Variants in TRDN observed in about 807,000 individuals in gnomAD.
TRDN encodes the protein triadin.
Under a neutral mutation model 149.7 loss-of-function variants are expected in TRDN, and 161 were observed. That is an observed-to-expected ratio of 1.08 (90% CI 0.95 to 1.23). TRDN has a LOEUF of 1.23. Ranked by LOEUF, TRDN falls within the 50% of genes most tolerant of loss-of-function variation. The probability of loss-of-function intolerance (pLI) is 0.00; values close to 1 mark genes in which losing one functional copy is unlikely to be tolerated. For missense variants in TRDN, 896 were observed against 823.5 expected (o/e 1.09, Z -1.08); for synonymous variants, 294 against 250.5 (o/e 1.17, Z -1.64).
chr6:123,264,278 A>G (rs960866996), intron 33 of TRDN, among the ~76,000 whole-genome samples: 1 of 152,112 alleles, frequency 6.6e-6, no homozygotes, highest in Non-Finnish European at 1.5e-5. Context: ...TCCAAATGTC[A>G]GTATCAACAG....
In TRDN at chr6:123,253,914, C is replaced by T. The variant is rs561759770; in HGVS notation, c.1951+1167G>A. 5.9e-5 allele frequency among the ~76,000 whole-genome samples: 9 copies of T among 152,096 alleles called. No homozygotes were observed. In the South Asian group the frequency reaches 1.7e-3, roughly 28 times the overall value. ...AAACTTTCTCTTGTATTTGCAGCAG[C>T]GTAATAGAATACTGAAGTACGAATA... On this transcript the variant is annotated intron_variant, in intron 37 of 40. Coordinates refer to ENST00000334268, the MANE Select transcript of TRDN (RefSeq NM_006073.4).
intron 32 of TRDN, 47 bp from the exon 33 acceptor site, chr6:123,265,385 A>G (rs1308457271): frequency 1.6e-6 from 2 of 1,264,174 alleles, no homozygotes; most frequent in Admixed American, 3.0e-5. Context: ...ATAATTTTCT[A>G]TCTATGGGTG....
intron 12 of TRDN, among the ~76,000 whole-genome samples, chr6:123,432,607 G>A (rs568473848): frequency 9.7e-4 from 147 of 151,968 alleles, no homozygotes; most frequent in Middle Eastern, 3.4e-3. Flanking sequence ...AAACACAAAA[G>A]ACTTTACTCC....
chr6:123,495,529 A>T (rs11755296), intron 9 of TRDN, among the ~76,000 whole-genome samples: 15 of 4,592 alleles, frequency 3.3e-3, no homozygotes, highest in East Asian at 0.25. Flanking sequence ...CAAAAAAAAT[A>T]AAAAAAATAA....
chr6:123,355,534 G>C (rs544490589), intron 20 of TRDN, among the ~76,000 whole-genome samples: 39 of 151,712 alleles, frequency 2.6e-4, no homozygotes, highest in African/African-American at 9.2e-4. Context: ...GATAATTCTT[G>C]ATATCTACTA....
At chr6:123,291,266 A>G (rs987952489) in intron 24 of TRDN, among the ~76,000 whole-genome samples, 10 of 152,098 alleles carry the variant, frequency 6.6e-5, no homozygotes, top group African/African-American at 2.4e-4. Context: ...CTGGTTATTT[A>G]AGAAAGAGGT....
rs139705616 is a variant in TRDN at position 123,217,132 on chromosome 6, G to A, written c.*1469C>T. 12 of 152,040 alleles carry A rather than the reference G, an allele frequency of 7.9e-5. No individual in the cohort carries two copies. The East Asian group carries it at 2.3e-3, about 30-fold the overall frequency. The allele number at this position is 152,040 out of a possible 1,614,324, so 9.4% of individuals were successfully genotyped here. ...TCTGGTTCATGTGACACTGGCTTTC[G>A]TGGTGTGAATGTGGTCCACCAGCTT... On this transcript the variant is annotated 3_prime_UTR_variant, in exon 41 of 41. Coordinates refer to ENST00000334268, the MANE Select transcript of TRDN (RefSeq NM_006073.4).
chr6:123,402,463 A>G (rs1048721671), intron 12 of TRDN, among the ~76,000 whole-genome samples: 2 of 152,222 alleles, frequency 1.3e-5, no homozygotes, highest in Non-Finnish European at 2.9e-5. Context: ...TTTTTGCTCA[A>G]GTAAATTGTT....
chr6:123,479,046 A>G (rs1004472772), intron 9 of TRDN, among the ~76,000 whole-genome samples: 1 of 152,168 alleles, frequency 6.6e-6, no homozygotes, highest in East Asian at 1.9e-4. Context: ...AGTGAAAATT[A>G]TTGCTTAAAT....
intron 1 of TRDN, among the ~76,000 whole-genome samples, chr6:123,603,758 C>A (rs943507107): frequency 6.6e-6 from 1 of 152,056 alleles, no homozygotes; most frequent in African/African-American, 2.4e-5. Flanking sequence ...CTGGAAATTC[C>A]CTTGGATATC....
At chr6:123,271,482 T>G (rs1777205451) in intron 29 of TRDN, among the ~76,000 whole-genome samples, 1 of 151,938 alleles carries the variant, frequency 6.6e-6, no homozygotes, top group African/African-American at 2.4e-5. Flanking sequence ...TGTATTTATC[T>G]GCCCAGAGGT....
chr6:123,228,321 G>A (rs1188977622), intron 38 of TRDN, among the ~76,000 whole-genome samples: 1 of 151,836 alleles, frequency 6.6e-6, no homozygotes, highest in Non-Finnish European at 1.5e-5. Context: ...AAGCCATTCT[G>A]CCTGCATTAG....
chr6:123,298,488 C>T (rs1312304030), intron 24 of TRDN, among the ~76,000 whole-genome samples: 2 of 151,962 alleles, frequency 1.3e-5, no homozygotes, highest in South Asian at 2.1e-4. Context: ...TTATGTAAGT[C>T]GCCATCCCTT....
chr6:123,229,302 C>A (rs1775505063), intron 38 of TRDN, among the ~76,000 whole-genome samples: 1 of 152,018 alleles, frequency 6.6e-6, no homozygotes, highest in African/African-American at 2.4e-5. Flanking sequence ...TCTTAAATAG[C>A]TATCAGTTTA....
intron 33 of TRDN, among the ~76,000 whole-genome samples, 189 bp from the exon 34 acceptor site, chr6:123,260,827 T>A (rs187205645): frequency 1.3e-5 from 2 of 151,894 alleles, no homozygotes; most frequent in Admixed American, 6.6e-5. Context: ...TAGCTGTAAC[T>A]AGACATCTAT....
chr6:123,228,991 T>C lies in TRDN; in HGVS notation c.1976-4860A>G, dbSNP rs77953702. Among the ~76,000 whole-genome samples, 1,014 of 152,058 alleles carry C rather than the reference T, an allele frequency of 6.7e-3. 8 individuals carry two copies. Among genetic ancestry groups the C allele is most frequent in the African/African-American group, 0.024 (977 of 41,532 alleles). ...AGACAATGAAGAGGTAAGCATAATA[T>C]TTTTTCTGTTTGCCTAAACATTATA... On this transcript the variant is annotated intron_variant, in intron 38 of 40. Coordinates refer to ENST00000334268, the MANE Select transcript of TRDN (RefSeq NM_006073.4).
chr6:123,443,949 A>G (rs1775112930), intron 10 of TRDN, among the ~76,000 whole-genome samples: 1 of 150,896 alleles, frequency 6.6e-6, no homozygotes, highest in Non-Finnish European at 1.5e-5. Context: ...GAAGTCAGGT[A>G]GTGTGATGCC....
chr6:123,570,998 C>A lies in TRDN; in HGVS notation c.157G>T (p.Val53Phe). Residue 53 changes from valine to phenylalanine, a missense_variant, in exon 2 of 41, where the codon GTC becomes TTC. Coordinates refer to ENST00000334268, the MANE Select transcript of TRDN (RefSeq NM_006073.4). ...TFSSPAAWLLVIALIITWSAV... is the reference protein window; with the variant it reads ...TFSSPAAWLLFIALIITWSAV... Reference sequence around the variant, plus strand: ...GACCACGTGATTATCAGGGCAATGACCAGAAGCCAGGCTGCAGGGGAGCTG... The same window carrying A: ...GACCACGTGATTATCAGGGCAATGAACAGAAGCCAGGCTGCAGGGGAGCTG... 1 of 1,613,956 alleles carries A rather than the reference C, an allele frequency of 6.2e-7. No homozygotes were observed. The highest frequency in any genetic ancestry group is 8.5e-7 in the Non-Finnish European group (1 of 1,179,870).
intron 20 of TRDN, among the ~76,000 whole-genome samples, chr6:123,358,615 C>T (rs991748140): frequency 6.8e-6 from 1 of 148,046 alleles, no homozygotes; most frequent in Non-Finnish European, 1.5e-5. Context: ...CAGGCACCCG[C>T]CACCATGCCT....
Sources: gnomAD v4.1 joint callset for allele counts (sites outside exome capture counted in the v4.1 genomes callset) on GRCh38, gnomAD v4.1.1 for gene constraint, MANE v1.5 for transcripts, NCBI Gene and HGNC (gene_info 2026-07-23, HGNC 2026-07-21) for gene names.